The following STEAP3 variants were observed in gnomAD, a reference collection of about 807,000 sequenced individuals.
The protein encoded by STEAP3 is STEAP3 metalloreductase.
STEAP3 carries 35 observed loss-of-function variants against 34.9 expected under a neutral mutation model. The ratio of observed to expected loss-of-function variants is 1.00; its 90% CI spans 0.76 to 1.33. The LOEUF (loss-of-function observed/expected upper bound fraction) is 1.33, where lower values mean the gene tolerates loss of function less well. Among genes scored for constraint, STEAP3 ranks in the 40% most tolerant of loss-of-function variants. The pLI is 0.00. For missense variants in STEAP3, 652 were observed against 667.6 expected (o/e 0.98, Z 0.26); for synonymous variants, 281 against 301.6 (o/e 0.93, Z 0.71).
At chr2:119,226,392 C>T (rs1204516966) in intron 1 of STEAP3, among the ~76,000 whole-genome samples, 2 of 152,156 alleles carry the variant, frequency 1.3e-5, no homozygotes, top group Non-Finnish European at 2.9e-5. Context: ...CAGGGAGTTG[C>T]CTCTTGATTT....
intron 5 of STEAP3, among the ~76,000 whole-genome samples, chr2:119,256,448 A>G (rs1677776845): frequency 6.6e-6 from 1 of 152,120 alleles, no homozygotes; most frequent in Admixed American, 6.5e-5. Flanking sequence ...TTTATCCACA[A>G]TTAAAGCAGA....
At chr2:119,225,201 C>G (rs1327624046) in intron 1 of STEAP3, among the ~76,000 whole-genome samples, 34 of 152,216 alleles carry the variant, frequency 2.2e-4, no homozygotes, top group Non-Finnish European at 1.5e-4. Flanking sequence ...CTGGAGGACC[C>G]AGACTATGTC....
chr2:119,248,230 C>T (rs1355175352), intron 4 of STEAP3, 24 bp downstream of exon 4: 1 of 1,549,076 alleles, frequency 6.5e-7, no homozygotes, highest in Non-Finnish European at 8.7e-7. Flanking sequence ...GCCCTTCCTC[C>T]CTCTGGCAAC....
intron 4 of STEAP3, among the ~76,000 whole-genome samples, chr2:119,252,947 G>A (rs1201676199): frequency 6.6e-6 from 1 of 152,204 alleles, no homozygotes; most frequent in African/African-American, 2.4e-5. Flanking sequence ...TCTTCCCGAG[G>A]CGCAGAGAGG....
chr2:119,260,305 CTT>C (rs111601276), intron 5 of STEAP3, among the ~76,000 whole-genome samples: 2 of 130,482 alleles, frequency 1.5e-5, no homozygotes, highest in Admixed American at 7.7e-5. Context: ...AAGACTTACT[CTT>C]TTTTTTTTTT....
chr2:119,263,333 G>C lies in STEAP3; in HGVS notation c.1492G>C (p.Val498Leu), dbSNP rs759879690. The C allele has an allele frequency of 6.2e-7, 1 of 1,612,264 alleles. No homozygotes were observed. ...DHALAEKTSHV is the reference protein window; with the variant it reads ...DHALAEKTSHL ...CGCCCTGGCCGAGAAGACGAGCCAC[G>C]TATGAGGTGCCTGCCCTGGGCTCTG... Residue 498 changes from valine (V) to leucine (L), a missense_variant, in exon 6 of 6, where the codon GTA becomes CTA. Coordinates refer to ENST00000393110, the MANE Select transcript of STEAP3 (RefSeq NM_182915.3).
At chr2:119,256,238 G>A (rs540134331) in intron 5 of STEAP3, among the ~76,000 whole-genome samples, 3 of 152,312 alleles carry the variant, frequency 2.0e-5, no homozygotes, top group South Asian at 2.1e-4. Context: ...AGTTGTAGCC[G>A]TGTGTTTTTT....
intron 2 of STEAP3, among the ~76,000 whole-genome samples, chr2:119,240,759 A>T (rs1200816813): frequency 1.3e-5 from 2 of 152,202 alleles, no homozygotes; most frequent in African/African-American, 4.8e-5. Flanking sequence ...TGCAGGCAGG[A>T]GACAGGCCTC....
intron 1 of STEAP3, among the ~76,000 whole-genome samples, chr2:119,228,095 G>T (rs1434977624): frequency 6.6e-6 from 1 of 152,192 alleles, no homozygotes; most frequent in African/African-American, 2.4e-5. Flanking sequence ...CTCCCAAAGT[G>T]CTGGGATTAC....
At chr2:119,235,155 C>A (rs945586698) in intron 2 of STEAP3, among the ~76,000 whole-genome samples, 1 of 152,174 alleles carries the variant, frequency 6.6e-6, no homozygotes, top group Non-Finnish European at 1.5e-5. Context: ...GCCTAATGAC[C>A]CACATGTAGC....
At chr2:119,240,184 C>A (rs757277931) in intron 2 of STEAP3, among the ~76,000 whole-genome samples, 1 of 152,174 alleles carries the variant, frequency 6.6e-6, no homozygotes, top group Non-Finnish European at 1.5e-5. Flanking sequence ...AGGCTGGCGA[C>A]ACAGCGAGAC....
rs1237706178 is a variant in STEAP3, at chr2:119,254,703, A to T, written c.1070A>T (p.His357Leu). ...AVKQVLANKS[H>L]LWVEEEVWRM... ...TGTCAGGTCTTGGCCAACAAGAGCC[A>T]CCTCTGGGTGGAGGAGGAGGTCTGG... Residue 357 changes from histidine (H) to leucine (L), a missense_variant, in exon 5 of 6, where the codon CAC becomes CTC. Coordinates refer to ENST00000393110, the MANE Select transcript of STEAP3 (RefSeq NM_182915.3). The T allele has an allele frequency of 5.6e-6, 9 of 1,614,024 alleles. No individual in the cohort carries two copies. The highest frequency in any genetic ancestry group is 7.6e-6 in the Non-Finnish European group (9 of 1,179,994).
In STEAP3 at chr2:119,246,507, C is replaced by T. The variant is rs1201813211; in HGVS notation, c.522+519C>T. On this transcript the variant is annotated intron_variant, in intron 3 of 5. Coordinates refer to ENST00000393110, the MANE Select transcript of STEAP3 (RefSeq NM_182915.3). The stretch of plus-strand genomic sequence containing the variant: ...GGAACAGCTAGAGCTGCATACGTTT[C>T]TTGCCACGAGGAGCTCTTACCAAGA... 1.9e-5 allele frequency: 3 copies of T among 155,746 alleles called. No homozygotes were observed. The East Asian group carries it at 5.7e-4, about 29-fold the overall frequency. 9.6% of individuals were successfully genotyped at this position (155,746 alleles called of 1,614,324 possible).
intron 4 of STEAP3, chr2:119,249,217 T>G (rs1677548855): frequency 6.6e-6 from 1 of 152,132 alleles, no homozygotes; most frequent in African/African-American, 2.4e-5. Flanking sequence ...AAAATTCATA[T>G]GGGGCTTGGT....
At chr2:119,252,036 C>T (rs955696878) in intron 4 of STEAP3, among the ~76,000 whole-genome samples, 1 of 152,234 alleles carries the variant, frequency 6.6e-6, no homozygotes, top group Non-Finnish European at 1.5e-5. Flanking sequence ...GTTCACAGTG[C>T]ATGCTCACTG....
intron 4 of STEAP3, 195 bp downstream of exon 4, chr2:119,248,401 A>C: frequency 1.5e-6 from 1 of 657,044 alleles, no homozygotes. Context: ...AAAGCAGATG[A>C]AAATTCCTGC....
intron 2 of STEAP3, among the ~76,000 whole-genome samples, chr2:119,235,839 G>A (rs893020002): frequency 9.2e-5 from 14 of 152,258 alleles, no homozygotes; most frequent in South Asian, 4.1e-4. Flanking sequence ...GACTGTCCTC[G>A]GCAGGGAACC....
intron 5 of STEAP3, among the ~76,000 whole-genome samples, chr2:119,262,673 A>G (rs893282176): frequency 2.0e-5 from 3 of 152,212 alleles, no homozygotes; most frequent in Non-Finnish European, 2.9e-5. Context: ...CCACCGCAGC[A>G]GGCCTTAAAT....
At chr2:119,252,467 G>A (rs1172057879) in intron 4 of STEAP3, among the ~76,000 whole-genome samples, 1 of 152,190 alleles carries the variant, frequency 6.6e-6, no homozygotes, top group Non-Finnish European at 1.5e-5. Context: ...CATGGAGAGG[G>A]GCTAATGCTG....
Sources: gnomAD v4.1 joint callset for allele counts (sites outside exome capture counted in the v4.1 genomes callset) on GRCh38, gnomAD v4.1.1 for gene constraint, MANE v1.5 for transcripts, NCBI Gene and HGNC (gene_info 2026-07-23, HGNC 2026-07-21) for gene names.